PIH1D1: variants seen among roughly 807,000 people sequenced by gnomAD.
PIH1D1 encodes the protein PIH1 domain-containing protein 1.
PIH1D1 carries 28 observed loss-of-function variants against 38.5 expected under a neutral mutation model. The ratio of observed to expected loss-of-function variants is 0.73; its 90% CI spans 0.54 to 1.00. The LOEUF (loss-of-function observed/expected upper bound fraction) is 1.00. Among genes scored for constraint, PIH1D1 ranks in the 50% least tolerant of loss-of-function variants. The pLI is 0.00. For missense variants in PIH1D1, 343 were observed against 369.9 expected (o/e 0.93, Z 0.60); for synonymous variants, 155 against 153.5 (o/e 1.01, Z -0.07).
intron 5 of PIH1D1, 62 bp downstream of exon 5, chr19:49,447,765 G>A: frequency 1.3e-6 from 2 of 1,518,358 alleles, no homozygotes; most frequent in Non-Finnish European, 1.8e-6. Context: ...CCTCTCCTAG[G>A]GGTGTTCCCC....
In PIH1D1 at chr19:49,448,023, C is replaced by A. The variant is rs139599312; in HGVS notation, c.377G>T (p.Ser126Ile). Reference sequence around the variant, plus strand: ...AACCTGCATCCTCCGGTAGAAGTCGCTGTTGACAGCTACGTCGTAGGCGGT... The same window carrying A: ...AACCTGCATCCTCCGGTAGAAGTCGATGTTGACAGCTACGTCGTAGGCGGT... ...GCTAYDVAVN[S>I]DFYRRMQNSD... Residue 126 changes from serine (S) to isoleucine (I), a missense_variant, in exon 4 of 9, where the codon AGC becomes ATC. Ser to Ile is a moderately radical substitution (Grantham distance 142). Transcript: ENST00000262265. 5.0e-6 allele frequency: 8 copies of A among 1,614,114 alleles called. No individual in the cohort carries two copies. In the African/African-American group the frequency reaches 1.1e-4, roughly 22 times the overall value.
intron 3 of PIH1D1, chr19:49,448,377 G>A: frequency 2.4e-6 from 1 of 416,378 alleles, no homozygotes; most frequent in Non-Finnish European, 4.4e-6. Context: ...GAGACCCTAT[G>A]TGGTCTGCCC....
chr19:49,448,824 G>A (rs1317320540), intron 3 of PIH1D1, among the ~76,000 whole-genome samples: 1 of 152,204 alleles, frequency 6.6e-6, no homozygotes, highest in Non-Finnish European at 1.5e-5. Flanking sequence ...GGATATAGAG[G>A]CAGAAACAGG....
chr19:49,448,349 C>A, intron 3 of PIH1D1: 1 of 478,318 alleles, frequency 2.1e-6, no homozygotes. Flanking sequence ...AGGTCTGAGC[C>A]CCACAAGCCT....
Position 49,448,130 on chromosome 19 carries a change from C to A in PIH1D1, c.338-68G>T. ...AGGAAGCCCACAGCCCAGACCCAGA[C>A]AGGGAAGAAACATTCAGGGACAGCG... On this transcript the variant is annotated intron_variant, in intron 3 of 8. Coordinates refer to ENST00000262265, the MANE Select transcript of PIH1D1 (RefSeq NM_017916.3). The A allele has an allele frequency of 2.0e-6, 3 of 1,501,374 alleles. No homozygotes were observed. The South Asian group carries it at 3.4e-5, about 17-fold the overall frequency. 93.0% of individuals were successfully genotyped at this position (1,501,374 alleles called of 1,614,324 possible).
Position 49,446,641 on chromosome 19 carries a change from C to A in PIH1D1, c.741G>T (p.Gly247=), listed in dbSNP as rs146943850. The A allele has an allele frequency of 1.2e-6, 2 of 1,604,676 alleles. No homozygotes were observed. The highest frequency in any genetic ancestry group is 2.7e-5 in the African/African-American group (2 of 74,590). ...CTAGATGATACAGCTGCTGGGGGCC[C>A]CCCATCACCAGGCGGTTCTCCCCGA... The part of the protein sequence containing the change: ...LEIGENRLVM[G]GPQQLYHLDA... Residue 247 remains glycine (G), a synonymous_variant, in exon 8 of 9, where the codon GGG becomes GGT. Transcript: ENST00000262265.
chr19:49,447,083 G>T lies in PIH1D1; in HGVS notation c.628C>A (p.Leu210Met). ...RAESGPEKPH[L>M]NLWLEAPDLL... ...TCGGGGGCTTCCAGCCACAGGTTCA[G>T]GTGAGGCTTTTCAGGCCTGAGGAGG... Residue 210 changes from leucine to methionine, a missense_variant, in exon 7 of 9, where the codon CTG becomes ATG. By Grantham distance (15) the Leu-to-Met change is conservative. Coordinates refer to ENST00000262265, the MANE Select transcript of PIH1D1 (RefSeq NM_017916.3). 1 of 1,613,134 alleles carries T rather than the reference G, an allele frequency of 6.2e-7. No homozygotes were observed. The highest frequency in any genetic ancestry group is 1.7e-5 in the Admixed American group (1 of 59,650).
intron 1 of PIH1D1, 24 bp from the exon 2 acceptor site, chr19:49,450,872 A>T: frequency 6.2e-7 from 1 of 1,613,688 alleles, no homozygotes; most frequent in Non-Finnish European, 8.5e-7. Flanking sequence ...AACTACCTCC[A>T]GGCTCGGAGT....
chr19:49,448,450 C>A, intron 3 of PIH1D1: 1 of 294,442 alleles, frequency 3.4e-6, no homozygotes. Context: ...TTCTTTCAGT[C>A]ACTCTCCATT....
intron 2 of PIH1D1, 85 bp downstream of exon 2, chr19:49,450,697 C>CCTTTTT: frequency 2.2e-6 from 2 of 898,886 alleles, no homozygotes; most frequent in South Asian, 2.2e-5. Flanking sequence ...CACCCTAGGC[C>CCTTTTT]TTTATTTTCG....
Position 49,446,700 on chromosome 19 carries a change from G to A in PIH1D1, c.688-6C>T, listed in dbSNP as rs747768449. 7 of 1,544,840 alleles carry A rather than the reference G, an allele frequency of 4.5e-6. No homozygotes were observed. Among genetic ancestry groups the A allele is most frequent in the African/African-American group, 2.8e-5 (2 of 72,410 alleles). On this transcript the variant is annotated splice_region_variant and splice_polypyrimidine_tract_variant and intron_variant, in intron 7 of 8. Transcript: ENST00000262265. ...GACAGCCCCAGGGCTCCATCCTGGAGAGGTGGCGGAATCAGGTCACCCTCC... is the reference window on the plus strand; with the variant it reads ...GACAGCCCCAGGGCTCCATCCTGGAAAGGTGGCGGAATCAGGTCACCCTCC...
rs756546099 is a variant in PIH1D1, at chr19:49,447,810, C to T, written c.481+17G>A. The T allele has an allele frequency of 1.9e-6, 3 of 1,612,552 alleles. No individual in the cohort carries two copies. Among genetic ancestry groups the T allele is most frequent in the South Asian group, 2.2e-5 (2 of 91,050 alleles). On this transcript the variant is annotated intron_variant, in intron 5 of 8. Transcript: ENST00000262265. ...CTGGCTCCACTCTTTCCCGAGGGCCCAGGACCTGCCCCTCACCCGGATTCA... is the reference window on the plus strand; with the variant it reads ...CTGGCTCCACTCTTTCCCGAGGGCCTAGGACCTGCCCCTCACCCGGATTCA...
rs2079026728 is a variant in PIH1D1, at chr19:49,446,886, AAGGT to A, written c.687+134_687+137del. 11 of 1,069,156 alleles carry A rather than the reference AAGGT, an allele frequency of 1.0e-5. No homozygotes were observed. The South Asian group carries it at 1.5e-4, about 14-fold the overall frequency. The allele number at this position is 1,069,156 out of a possible 1,614,324, so 66.2% of individuals were successfully genotyped here. On this transcript the variant is annotated intron_variant, in intron 7 of 8. Coordinates refer to ENST00000262265, the MANE Select transcript of PIH1D1 (RefSeq NM_017916.3). ...TTGGGCGCCCTCAGGACAGCACCAG[AAGGT>A]GGCCTGTGGGCCTCCTGGCAGAGAG...
intron 1 of PIH1D1, 177 bp from the exon 2 acceptor site, chr19:49,451,025 CTTTT>C (rs10616213): frequency 0.031 from 16,717 of 541,444 alleles, 1 homozygote; most frequent in South Asian, 0.049. Context: ...ATTCCCATTT[CTTTT>C]TTTTTTTTTT....
chr19:49,449,381 G>T, intron 3 of PIH1D1, 94 bp downstream of exon 3: 1 of 1,137,962 alleles, frequency 8.8e-7, no homozygotes, highest in Non-Finnish European at 1.3e-6. Context: ...ATCTCCAGGA[G>T]CTGAGGGAGG....
rs767761675 is a variant in PIH1D1, at chr19:49,449,496, G to T, written c.316C>A (p.Pro106Thr). Residue 106 changes from proline (P) to threonine (T), a missense_variant, in exon 3 of 9, where the codon CCT (proline) becomes ACT (threonine). Pro to Thr is a conservative substitution (Grantham distance 38). Transcript: ENST00000262265. ...TGACTTGCATCCAGTTCTGCATGAG[G>T]CTCTCCCAGACTCATGGGGATGCGA... ...GFRIPMSLGE[P>T]HAELDAKGQG... 1 of 1,614,166 alleles carries T rather than the reference G, an allele frequency of 6.2e-7. No individual in the cohort carries two copies. The highest frequency in any genetic ancestry group is 1.1e-5 in the South Asian group (1 of 91,080).
Position 49,448,065 on chromosome 19 carries a change from G to A in PIH1D1, c.338-3C>T. 6.2e-7 allele frequency: 1 copy of A among 1,614,132 alleles called. No individual in the cohort carries two copies. Among genetic ancestry groups the A allele is most frequent in the Non-Finnish European group, 8.5e-7 (1 of 1,179,982 alleles). On this transcript the variant is annotated splice_region_variant and splice_polypyrimidine_tract_variant and intron_variant, in intron 3 of 8. Transcript: ENST00000262265. ...GTAGGCGGTACATCCCTGGCCTTCTGCGGGGAGAAAAAGGGGGTGAGGACC... is the reference window on the plus strand; with the variant it reads ...GTAGGCGGTACATCCCTGGCCTTCTACGGGGAGAAAAAGGGGGTGAGGACC...
chr19:49,449,794 CTTT>C (rs61447252), intron 2 of PIH1D1, 140 bp from the exon 3 acceptor site: 778 of 501,294 alleles, frequency 1.6e-3, no homozygotes, highest in East Asian at 5.2e-3. Context: ...CCTCACTTCT[CTTT>C]TTTTTTTTTT....
Position 49,450,846 on chromosome 19 carries a change from G to C in PIH1D1, c.93C>G (p.Ala31=). The part of the protein sequence containing the change: ...SARFEELLLQ[A]SKELQQAQTT... ...TCTGGGCTTGCTGGAGCTCCTTCGA[G>C]GCCTGTATAAAGGAAAACTACCTCC... The change falls in exon 2 of 9, where the codon GCC becomes GCG. Residue 31 remains alanine (A), a splice_region_variant and synonymous_variant. Transcript: ENST00000262265. 1.2e-6 allele frequency: 2 copies of C among 1,613,474 alleles called. No individual in the cohort carries two copies. Among genetic ancestry groups the C allele is most frequent in the Non-Finnish European group, 1.7e-6 (2 of 1,179,888 alleles).
Sources: gnomAD v4.1 joint callset for allele counts (sites outside exome capture counted in the v4.1 genomes callset) on GRCh38, gnomAD v4.1.1 for gene constraint, MANE v1.5 for transcripts, NCBI Gene and HGNC (gene_info 2026-07-23, HGNC 2026-07-21) for gene names.